Variants in NSUN5 observed in about 807,000 individuals in gnomAD.
NSUN5 encodes NOP2/Sun RNA methyltransferase 5, also known as 28S rRNA (cytosine-C(5))-methyltransferase.
Under a neutral mutation model 51.1 loss-of-function variants are expected in NSUN5, and 39 were observed. That is an observed-to-expected ratio of 0.76 (90% CI 0.59 to 1.00). NSUN5 has a LOEUF of 1.00. NSUN5 is among the 50% of genes least tolerant of loss of function. The pLI is 0.00. For synonymous variants in NSUN5, 266 were observed against 271.5 expected, an observed-to-expected ratio of 0.98 and a Z score of 0.20; for missense variants, 526 against 614.0, an observed-to-expected ratio of 0.86 and a Z score of 1.51.
chr7:73,307,345 A>AC lies in NSUN5; in HGVS notation c.500+48dup, dbSNP rs781885146. 11 of 1,357,970 alleles carry AC rather than the reference A, an allele frequency of 8.1e-6. No homozygotes were observed. The African/African-American group carries it at 1.4e-4, about 18-fold the overall frequency. The allele number at this position is 1,357,970 out of a possible 1,614,324, so 84.1% of individuals were successfully genotyped here. ...CTATCCAGCCACTTCTCTTCCCAAT[A>AC]CCCCAGACACCTCCCTAGATGAGGA... is the stretch of plus-strand genomic sequence containing the variant. On this transcript the variant is annotated intron_variant, in intron 4 of 9. Coordinates refer to ENST00000438747, the MANE Select transcript of NSUN5 (RefSeq NM_148956.4).
At position 73,307,747 on chromosome 7, in the gene NSUN5, T is replaced by TA; in HGVS notation, c.226dup (p.Tyr76LeufsTer2). 1 of 1,562,170 alleles carries TA rather than the reference T, an allele frequency of 6.4e-7. No individual in the cohort carries two copies. Among genetic ancestry groups the TA allele is most frequent in the East Asian group, 2.4e-5 (1 of 41,658 alleles). ...AAAGCCCTTTCCCAACAACAACTCATACACTAGCACCTGGGAATGAGGGAA... is the reference window on the plus strand; with the variant it reads ...AAAGCCCTTTCCCAACAACAACTCATAACACTAGCACCTGGGAATGAGGGAA... On this transcript the variant is annotated frameshift_variant, in exon 3 of 10. Transcript: ENST00000438747. LOFTEE classifies it high-confidence loss of function.
In NSUN5 at chr7:73,306,385, CAAAAAAAAAAA is replaced by C. The variant is rs36038371; in HGVS notation, c.500+998_500+1008del. Reference sequence around the variant, plus strand: ...GGCAACAAGAGCAAAACCCTTGTCTCAAAAAAAAAAAAAAAAAAAAAAAAAAAAAGCTTAGC... The same window carrying C: ...GGCAACAAGAGCAAAACCCTTGTCTCAAAAAAAAAAAAAAAAAAGCTTAGC... On this transcript the variant is annotated intron_variant, in intron 4 of 9. Coordinates refer to ENST00000438747, the MANE Select transcript of NSUN5 (RefSeq NM_148956.4). Among the ~76,000 whole-genome samples, 6 of 26,020 alleles carry C rather than the reference CAAAAAAAAAAA, an allele frequency of 2.3e-4. 1 individual carries two copies. Among genetic ancestry groups the C allele is most frequent in the Middle Eastern group, 0.083 (2 of 24 alleles). 17.1% of individuals were successfully genotyped at this position (26,020 alleles called of 152,430 possible). A position where few individuals can be genotyped will look rare whatever the true frequency, so the allele number is the denominator to read the frequency against.
At chr7:73,304,456 C>A in intron 6 of NSUN5, 48 bp from the exon 7 acceptor site, 1 of 1,530,278 alleles carries the variant, frequency 6.5e-7, no homozygotes, top group South Asian at 1.2e-5. Flanking sequence ...CAGCTAAGGG[C>A]CTGTCACAGC....
At chr7:73,307,265 G>A in intron 4 of NSUN5, 129 bp downstream of exon 4, 1 of 670,484 alleles carries the variant, frequency 1.5e-6, no homozygotes, top group South Asian at 1.8e-5. Context: ...ACAAACCTTG[G>A]AGATGGATAA....
chr7:73,308,300 G>A, intron 2 of NSUN5, 131 bp downstream of exon 2: 1 of 1,143,578 alleles, frequency 8.7e-7, no homozygotes, highest in East Asian at 2.5e-5. Context: ...CGTAACCCAG[G>A]GAAGGTCGGC....
At chr7:73,305,612 T>C (rs189263810) in intron 4 of NSUN5, among the ~76,000 whole-genome samples, 1 of 151,968 alleles carries the variant, frequency 6.6e-6, no homozygotes, top group African/African-American at 2.4e-5. Context: ...AAGTTTACTT[T>C]ACAGGGGGGT....
At chr7:73,304,466 C>A in intron 6 of NSUN5, 58 bp from the exon 7 acceptor site, 26 of 1,489,382 alleles carry the variant, frequency 1.7e-5, no homozygotes, top group Non-Finnish European at 2.3e-5. Context: ...CCTGTCACAG[C>A]CAACCAGAAC....
In NSUN5 at chr7:73,307,591, G is replaced by A; in HGVS notation, c.383C>T (p.Pro128Leu). 3 of 1,570,660 alleles carry A rather than the reference G, an allele frequency of 1.9e-6. No individual in the cohort carries two copies. In the South Asian group the frequency reaches 3.3e-5, roughly 17 times the overall value. Residue 128 changes from proline (P) to leucine (L), a missense_variant, in exon 3 of 10, where the codon CCT becomes CTT. By Grantham distance (98) the Pro-to-Leu change is moderately conservative. Transcript: ENST00000438747. ...NEDLLEVGSR[P>L]GPASQLPRFV... is the part of the protein sequence containing the mutation. ...AACTCCTTCCAGCTTACCTGGACCA[G>A]GCCTGGATCCCACTTCCAACAGGTC...
rs371755761 is a variant in NSUN5 at position 73,304,220 on chromosome 7, G to A, written c.934+10C>T. On this transcript the variant is annotated intron_variant, in intron 7 of 9. Transcript: ENST00000438747. The stretch of plus-strand genomic sequence containing the variant: ...GCGAGTCCCTCGGCCACGCTTTCTC[G>A]CCATCTCACCCGAGCCACTGCAGGA... 62 of 1,598,348 alleles carry A rather than the reference G, an allele frequency of 3.9e-5. No homozygotes were observed. The highest frequency in any genetic ancestry group is 5.0e-5 in the Non-Finnish European group (58 of 1,171,466).
At chr7:73,306,414 A>AT (rs1804042889) in intron 4 of NSUN5, among the ~76,000 whole-genome samples, 2 of 130,832 alleles carry the variant, frequency 1.5e-5, no homozygotes, top group Admixed American at 7.8e-5. Context: ...AAAAAAAAAA[A>AT]GCTTAGCAGA....
chr7:73,306,023 G>C (rs1804024415), intron 4 of NSUN5, among the ~76,000 whole-genome samples: 1 of 152,178 alleles, frequency 6.6e-6, no homozygotes, highest in Non-Finnish European at 1.5e-5. Flanking sequence ...TGGCACACTG[G>C]TGCACGCAGC....
At position 73,303,138 on chromosome 7, in the gene NSUN5, C is replaced by G; in HGVS notation, c.*277G>C. The G allele has an allele frequency of 6.9e-7, 1 of 1,439,792 alleles. No homozygotes were observed. Among genetic ancestry groups the G allele is most frequent in the Non-Finnish European group, 9.1e-7 (1 of 1,100,696 alleles). The allele number at this position is 1,439,792 out of a possible 1,614,324, so 89.2% of individuals were successfully genotyped here. ...GACTTTCCATTACAAATAGAGACTT[C>G]ATTCCTGTTGAGTCTAGTTGGAACT... is the stretch of plus-strand genomic sequence containing the variant. On this transcript the variant is annotated 3_prime_UTR_variant, in exon 10 of 10. Coordinates refer to ENST00000438747, the MANE Select transcript of NSUN5 (RefSeq NM_148956.4).
In NSUN5 at chr7:73,302,764, TG is replaced by T. The variant is rs1803855196; in HGVS notation, c.*650del. On this transcript the variant is annotated 3_prime_UTR_variant, in exon 10 of 10. Coordinates refer to ENST00000438747, the MANE Select transcript of NSUN5 (RefSeq NM_148956.4). Reference sequence around the variant, plus strand: ...TATTTTATAAATAATGTGATGTAAATGTAACTGGTGCCCCCTCCCCGATGTG... The same window carrying T: ...TATTTTATAAATAATGTGATGTAAATTAACTGGTGCCCCCTCCCCGATGTG... 1 of 980,790 alleles carries T rather than the reference TG, an allele frequency of 1.0e-6. No homozygotes were observed. The allele number at this position is 980,790 out of a possible 1,614,324, so 60.8% of individuals were successfully genotyped here. A position where few individuals can be genotyped will look rare whatever the true frequency, so the allele number is the denominator to read the frequency against.
intron 4 of NSUN5, among the ~76,000 whole-genome samples, chr7:73,306,037 G>A (rs1412120847): frequency 3.9e-5 from 6 of 152,140 alleles, no homozygotes; most frequent in East Asian, 1.9e-4. Context: ...ACGCAGCACC[G>A]TGGCAGATGG....
chr7:73,306,736 T>C (rs1190133400), intron 4 of NSUN5, among the ~76,000 whole-genome samples: 1 of 151,860 alleles, frequency 6.6e-6, no homozygotes, highest in Non-Finnish European at 1.5e-5. Flanking sequence ...AAAAATTAGC[T>C]GGACATTGGT....
At chr7:73,306,385 CAAAAAAAAAAAAAAAAA>C (rs36038371) in intron 4 of NSUN5, among the ~76,000 whole-genome samples, 8 of 26,044 alleles carry the variant, frequency 3.1e-4, no homozygotes, top group Non-Finnish European at 4.6e-4. Flanking sequence ...ACCCTTGTCT[CAAAAAAAAAAAAAAAAA>C]AAAAAAAAAA....
chr7:73,306,385 CAAAAAAAAAAAAAAAAAAA>C lies in NSUN5; in HGVS notation c.500+990_500+1008del, dbSNP rs36038371. On this transcript the variant is annotated intron_variant, in intron 4 of 9. Coordinates refer to ENST00000438747, the MANE Select transcript of NSUN5 (RefSeq NM_148956.4). ...GGCAACAAGAGCAAAACCCTTGTCT[CAAAAAAAAAAAAAAAAAAA>C]AAAAAAAAAAGCTTAGCAGAGGAGT... is the stretch of plus-strand genomic sequence containing the variant. Among the ~76,000 whole-genome samples, 8 of 26,020 alleles carry C rather than the reference CAAAAAAAAAAAAAAAAAAA, an allele frequency of 3.1e-4. No homozygotes were observed. In the South Asian group the frequency reaches 0.025, roughly 81 times the overall value. 17.1% of individuals were successfully genotyped at this position (26,020 alleles called of 152,430 possible). A position where few individuals can be genotyped will look rare whatever the true frequency, so the allele number is the denominator to read the frequency against.
intron 2 of NSUN5, 21 bp downstream of exon 2, chr7:73,308,410 C>G: frequency 6.3e-7 from 1 of 1,578,948 alleles, no homozygotes; most frequent in Middle Eastern, 2.3e-4. Flanking sequence ...GTTCACTTCC[C>G]CGTCCCTCCC....
Position 73,307,555 on chromosome 7 carries a change from C to A in NSUN5, c.391+28G>T, listed in dbSNP as rs1283439619. 4 of 1,354,078 alleles carry A rather than the reference C, an allele frequency of 3.0e-6. No individual in the cohort carries two copies. In the African/African-American group the frequency reaches 5.9e-5, roughly 20 times the overall value. The allele number at this position is 1,354,078 out of a possible 1,614,324, so 83.9% of individuals were successfully genotyped here. A position where few individuals can be genotyped will look rare whatever the true frequency, so the allele number is the denominator to read the frequency against. On this transcript the variant is annotated intron_variant, in intron 3 of 9. Transcript: ENST00000438747. ...AGGCAGGAGCAAAGTTCCCCGCCTC[C>A]CCCACCCCCCAACTCCTTCCAGCTT... is the stretch of plus-strand genomic sequence containing the variant.
Sources: allele counts gnomAD v4.1 joint callset (sites outside exome capture counted in the v4.1 genomes callset), GRCh38; gene constraint gnomAD v4.1.1; transcripts MANE v1.5; gene names NCBI Gene and HGNC (gene_info 2026-07-23, HGNC 2026-07-21).